The following FAM177B variants were observed in gnomAD, a reference collection of about 807,000 sequenced individuals.
FAM177B encodes protein FAM177B.
In FAM177B, 16 loss-of-function variants were observed where a neutral mutation model predicts 16.1. The ratio of observed to expected loss-of-function variants is 0.99; its 90% CI spans 0.67 to 1.51. The LOEUF is 1.51. Ranked by LOEUF, FAM177B falls within the 40% of genes most tolerant of loss-of-function variation. FAM177B has a pLI of 0.00. For synonymous variants in FAM177B, 56 were observed against 59.9 expected (o/e 0.93, Z 0.30); for missense variants, 178 against 183.7 (o/e 0.97, Z 0.18).
chr1:222,738,564 C>CCAAAAAAAAAAAAAAAA (rs1658387166), intron 2 of FAM177B, among the ~76,000 whole-genome samples: 1 of 61,846 alleles, frequency 1.6e-5, no homozygotes, highest in African/African-American at 6.8e-5. Flanking sequence ...ACAAAAACTG[C>CCAAAAAAAAAAAAAAAA]AAAAAAAAAA....
rs746474380 is a variant in FAM177B at position 222,747,068 on chromosome 1, C to T, written c.228C>T (p.Ser76=). 6.2e-7 allele frequency: 1 copy of T among 1,609,750 alleles called. No individual in the cohort carries two copies. Among genetic ancestry groups the T allele is most frequent in the African/African-American group, 1.3e-5 (1 of 74,864 alleles). ...YLRFWAGRIA[S]TSFSTCEFLG... ...GATTTTGGGCAGGACGAATAGCAAG[C>T]ACCTCATTTTCTAGTAAGTACTGCT... The change falls in exon 4 of 6, where the codon AGC becomes AGT. Residue 76 remains serine (S), a synonymous_variant. Transcript: ENST00000445590.
At chr1:222,739,354 C>T (rs1658424823) in intron 2 of FAM177B, among the ~76,000 whole-genome samples, 1 of 152,128 alleles carries the variant, frequency 6.6e-6, no homozygotes, top group African/African-American at 2.4e-5. Flanking sequence ...ACACCAAATC[C>T]CTAAATCACA....
rs148591577 is a variant in FAM177B at position 222,743,989 on chromosome 1, C to G, written c.-15-2542C>G. Among the ~76,000 whole-genome samples, 181 of 152,102 alleles carry G rather than the reference C, an allele frequency of 1.2e-3. 5 individuals carry two copies. The East Asian group carries it at 0.016, about 13-fold the overall frequency. On this transcript the variant is annotated intron_variant, in intron 2 of 5. Transcript: ENST00000445590. ...TAGGCTGGCTGACTTGCTTTCAACC[C>G]CCTGCCCCTCTCTCTCTCATCTCTA...
rs1196161788 is a variant in FAM177B, at chr1:222,740,890, G to A, written c.-16+2869G>A. 4.6e-5 allele frequency among the ~76,000 whole-genome samples: 7 copies of A among 151,870 alleles called. 1 individual carries two copies. In the South Asian group the frequency reaches 6.2e-4, roughly 14 times the overall value. On this transcript the variant is annotated intron_variant, in intron 2 of 5. Transcript: ENST00000445590. Reference sequence around the variant, plus strand: ...AATTTTTTGTATATTTAGTAGGGACGGGGTTTCACCGTGTTAGCCAGGATG... The same window carrying A: ...AATTTTTTGTATATTTAGTAGGGACAGGGTTTCACCGTGTTAGCCAGGATG...
At chr1:222,739,097 G>T (rs188351474) in intron 2 of FAM177B, among the ~76,000 whole-genome samples, 132 of 152,324 alleles carry the variant, frequency 8.7e-4, no homozygotes, top group African/African-American at 3.1e-3. Flanking sequence ...GGCAAGCCAG[G>T]TGTACAGGGG....
intron 2 of FAM177B, among the ~76,000 whole-genome samples, chr1:222,742,036 C>T (rs1658576853): frequency 6.6e-6 from 1 of 150,820 alleles, no homozygotes; most frequent in South Asian, 2.1e-4. Context: ...AAACTCATGG[C>T]CTCAAGTCAG....
Position 222,747,027 on chromosome 1 carries a change from T to TG in FAM177B, c.192dup (p.Pro65AlafsTer19). The TG allele has an allele frequency of 6.2e-7, 1 of 1,610,350 alleles. No individual in the cohort carries two copies. The highest frequency in any genetic ancestry group is 8.5e-7 in the Non-Finnish European group (1 of 1,176,518). Reference sequence around the variant, plus strand: ...CTCCTTTTTTCAGTCTAAACTTTCCTGGGGGCCCTACCTACGATTTTGGGC... The same window carrying TG: ...CTCCTTTTTTCAGTCTAAACTTTCCTGGGGGGCCCTACCTACGATTTTGGGC... On this transcript the variant is annotated frameshift_variant, in exon 4 of 6. Coordinates refer to ENST00000445590, the MANE Select transcript of FAM177B (RefSeq NM_001394345.1). LOFTEE classifies it high-confidence loss of function.
At chr1:222,747,214 T>G in intron 4 of FAM177B, 133 bp downstream of exon 4, 1 of 656,466 alleles carries the variant, frequency 1.5e-6, no homozygotes, top group Admixed American at 2.6e-5. Flanking sequence ...GGGCTAAGCT[T>G]TCATTCCCAA....
intron 1 of FAM177B, among the ~76,000 whole-genome samples, chr1:222,737,660 G>C (rs61824334): frequency 0.38 from 58,410 of 151,844 alleles, 13,297 homozygotes; most frequent in Non-Finnish European, 0.49. Context: ...GAGGAGTTTG[G>C]CTTTTACTCT....
chr1:222,747,968 G>A (rs1393238486), intron 4 of FAM177B, among the ~76,000 whole-genome samples: 1 of 152,252 alleles, frequency 6.6e-6, no homozygotes, highest in East Asian at 1.9e-4. Flanking sequence ...TGGAAGACTC[G>A]GGCATGCTGA....
At chr1:222,746,958 A>G (rs1383728478) in intron 3 of FAM177B, 57 bp from the exon 4 acceptor site, 5 of 1,168,970 alleles carry the variant, frequency 4.3e-6, no homozygotes, top group Non-Finnish European at 5.2e-6. Flanking sequence ...ATTAAAACAA[A>G]TCTGCAGTCA....
chr1:222,746,758 G>C (rs774098514), intron 3 of FAM177B, 39 bp downstream of exon 3: 2 of 1,495,536 alleles, frequency 1.3e-6, no homozygotes, highest in East Asian at 4.7e-5. Flanking sequence ...CATGGTGGGG[G>C]AGGCGGTGAA....
At chr1:222,741,951 T>C (rs1428494771) in intron 2 of FAM177B, among the ~76,000 whole-genome samples, 3 of 137,634 alleles carry the variant, frequency 2.2e-5, no homozygotes, top group African/African-American at 8.4e-5. Flanking sequence ...TCTTTCTTTC[T>C]TTCCTTCCTT....
chr1:222,749,939 G>T lies in FAM177B; in HGVS notation c.358G>T (p.Glu120Ter). The T allele has an allele frequency of 6.2e-7, 1 of 1,614,094 alleles. No homozygotes were observed. Among genetic ancestry groups the T allele is most frequent in the Non-Finnish European group, 8.5e-7 (1 of 1,179,972 alleles). ...AAAACAGAAAAGTGACAACAAAAGT[G>T]AAAGGAGAGGATCAAAGGCCCAGGC... ...IQNKKSDNKS[E>*]RRGSKAQAAE... Residue 120 changes from glutamate to a stop codon, truncating the protein, a stop_gained, in exon 6 of 6, where the codon GAA (glutamate) becomes TAA (stop). Coordinates refer to ENST00000445590, the MANE Select transcript of FAM177B (RefSeq NM_001394345.1). LOFTEE classifies it low-confidence loss of function (END_TRUNC).
At chr1:222,741,210 C>T (rs975937652) in intron 2 of FAM177B, among the ~76,000 whole-genome samples, 1 of 151,804 alleles carries the variant, frequency 6.6e-6, no homozygotes, top group African/African-American at 2.4e-5. Flanking sequence ...AGGCACATGC[C>T]ACCAAGTCCG....
intron 2 of FAM177B, among the ~76,000 whole-genome samples, chr1:222,739,500 T>C (rs1460160955): frequency 6.6e-6 from 1 of 152,216 alleles, no homozygotes; most frequent in African/African-American, 2.4e-5. Flanking sequence ...ACAGAGATTG[T>C]GATTTAAGTG....
chr1:222,744,290 G>A (rs1398007334), intron 2 of FAM177B, among the ~76,000 whole-genome samples: 2 of 152,118 alleles, frequency 1.3e-5, no homozygotes, highest in Non-Finnish European at 2.9e-5. Context: ...GGCCAACATG[G>A]TGAAACCCCG....
Position 222,747,006 on chromosome 1 carries a change from T to C in FAM177B, c.175-9T>C. 6.3e-7 allele frequency: 1 copy of C among 1,593,788 alleles called. No individual in the cohort carries two copies. Among genetic ancestry groups the C allele is most frequent in the Non-Finnish European group, 8.6e-7 (1 of 1,161,608 alleles). On this transcript the variant is annotated splice_polypyrimidine_tract_variant and intron_variant, in intron 3 of 5. Coordinates refer to ENST00000445590, the MANE Select transcript of FAM177B (RefSeq NM_001394345.1). ...TTAACTACTCTATCTCAATTTCTCC[T>C]TTTTTCAGTCTAAACTTTCCTGGGG...
At chr1:222,741,055 T>TA in intron 2 of FAM177B, among the ~76,000 whole-genome samples, 1 of 104,846 alleles carries the variant, frequency 9.5e-6, no homozygotes, top group African/African-American at 3.4e-5. Flanking sequence ...ACTTTTTGTT[T>TA]TCTTTTTTTT....
Sources: gnomAD v4.1 joint callset for allele counts (sites outside exome capture counted in the v4.1 genomes callset) on GRCh38, gnomAD v4.1.1 for gene constraint, MANE v1.5 for transcripts, NCBI Gene and HGNC (gene_info 2026-07-23, HGNC 2026-07-21) for gene names.